RIPOR3: variants seen among roughly 807,000 people sequenced by gnomAD.
RIPOR3 encodes RIPOR family member 3.
RIPOR3 carries 95 observed loss-of-function variants against 114.3 expected under a neutral mutation model. That is an observed-to-expected ratio of 0.83 (90% CI 0.70 to 0.99). RIPOR3 has a LOEUF of 0.99. RIPOR3 is among the 50% of genes least tolerant of loss of function. RIPOR3 has a pLI of 0.00. For missense variants in RIPOR3, 1,252 were observed against 1,266.9 expected (o/e 0.99, Z 0.18); for synonymous variants, 575 against 543.8 (o/e 1.06, Z -0.80).
intron 1 of RIPOR3, among the ~76,000 whole-genome samples, chr20:50,687,009 C>T (rs2087050919): frequency 6.6e-6 from 1 of 152,208 alleles, no homozygotes; most frequent in African/African-American, 2.4e-5. Flanking sequence ...AGCAAGCTAT[C>T]TGAACTTTTC....
At position 50,640,592 on chromosome 20, in the gene RIPOR3, GC is replaced by G. The variant is rs765836696; in HGVS notation, c.4-9737del. The stretch of plus-strand genomic sequence containing the variant: ...CAACCACTGGTCACTGGAATGAACT[GC>G]CCCCAACCCTCTGTCATCTCGGGGA... On this transcript the variant is annotated intron_variant, in intron 1 of 21. Coordinates refer to ENST00000327979, the MANE Select transcript of RIPOR3 (RefSeq NM_001290268.2). 1.3e-3 allele frequency among the ~76,000 whole-genome samples: 179 copies of G among 140,862 alleles called. 1 individual carries two copies. Among genetic ancestry groups the G allele is most frequent in the Non-Finnish European group, 2.2e-3 (143 of 65,114 alleles). The allele number at this position is 140,862 out of a possible 152,430, so 92.4% of individuals were successfully genotyped here. A position where few individuals can be genotyped will look rare whatever the true frequency, so the allele number is the denominator to read the frequency against.
At position 50,691,157 on chromosome 20, in the gene RIPOR3, C is replaced by G. The variant is rs1470618103; in HGVS notation, c.-29G>C. On this transcript the variant is annotated 5_prime_UTR_variant, in exon 1 of 22. Coordinates refer to ENST00000327979, the MANE Select transcript of RIPOR3 (RefSeq NM_001290268.2). ...GCAGGTCTGGACACTCGAGTGCAGT[C>G]CCGCCGCCCTCCTTGCAGCTGCCTC... 1 of 1,289,462 alleles carries G rather than the reference C, an allele frequency of 7.8e-7. No individual in the cohort carries two copies. The highest frequency in any genetic ancestry group is 1.0e-6 in the Non-Finnish European group (1 of 988,860). The allele number at this position is 1,289,462 out of a possible 1,614,324, so 79.9% of individuals were successfully genotyped here.
chr20:50,640,363 C>T (rs1378353504), intron 1 of RIPOR3, among the ~76,000 whole-genome samples: 2 of 150,912 alleles, frequency 1.3e-5, no homozygotes, highest in South Asian at 2.1e-4. Flanking sequence ...CTGCCTGAGA[C>T]CTGCCTTCAT....
At chr20:50,659,417 G>C (rs1377241161) in intron 1 of RIPOR3, among the ~76,000 whole-genome samples, 2 of 151,938 alleles carry the variant, frequency 1.3e-5, no homozygotes, top group African/African-American at 2.4e-5. Context: ...GAGGCTGAAG[G>C]GGGTGGATCA....
Position 50,593,140 on chromosome 20 carries a change from CA to C in RIPOR3, c.2268del (p.Leu758SerfsTer35). 4 of 1,613,886 alleles carry C rather than the reference CA, an allele frequency of 2.5e-6. No individual in the cohort carries two copies. Among genetic ancestry groups the C allele is most frequent in the Non-Finnish European group, 3.4e-6 (4 of 1,180,040 alleles). ...GTAATGATCTGTTCTTCTGGGAGCC[CA>C]GCTCCGGGGAGCAGCCCACCACAGC... The part of the protein sequence containing the change: ...VVSCGGLLPG[A>X]GLPEEQIITW... On this transcript the variant is annotated frameshift_variant, in exon 18 of 22. Coordinates refer to ENST00000327979, the MANE Select transcript of RIPOR3 (RefSeq NM_001290268.2). LOFTEE classifies it high-confidence loss of function.
chr20:50,631,273 A>G (rs1473702264), intron 1 of RIPOR3, among the ~76,000 whole-genome samples: 1 of 152,172 alleles, frequency 6.6e-6, no homozygotes, highest in Non-Finnish European at 1.5e-5. Context: ...GCTCCAGCCC[A>G]GCAGGGAGGC....
intron 8 of RIPOR3, 91 bp from the exon 9 acceptor site, chr20:50,609,046 A>G: frequency 6.6e-7 from 1 of 1,521,062 alleles, no homozygotes; most frequent in Non-Finnish European, 8.9e-7. Flanking sequence ...CCGAGTATAG[A>G]TTTTCAGTTT....
At position 50,589,702 on chromosome 20, in the gene RIPOR3, G is replaced by T. The variant is rs940968412; in HGVS notation, c.2645C>A (p.Ala882Glu). Residue 882 changes from alanine to glutamate, a missense_variant, in exon 20 of 22, where the codon GCG becomes GAG. Ala to Glu is a moderately radical substitution (Grantham distance 107, BLOSUM62 -1). Coordinates refer to ENST00000327979, the MANE Select transcript of RIPOR3 (RefSeq NM_001290268.2). ...CAGGCTCACCTTGAGGTGTTTGAGC[G>T]CTAGGCATGCGGCCTGCTGGAGCCT... ...DARLQQAACL[A>E]LKHLKGIESI... 2.5e-6 allele frequency: 4 copies of T among 1,613,656 alleles called. No homozygotes were observed. Among genetic ancestry groups the T allele is most frequent in the African/African-American group, 1.3e-5 (1 of 74,936 alleles).
At chr20:50,668,189 C>T (rs995540448) in intron 1 of RIPOR3, among the ~76,000 whole-genome samples, 2 of 152,136 alleles carry the variant, frequency 1.3e-5, no homozygotes, top group East Asian at 1.9e-4. Context: ...ATCTCTTTTT[C>T]GCTGTGCACA....
At chr20:50,651,548 G>A (rs756824085) in intron 1 of RIPOR3, among the ~76,000 whole-genome samples, 1 of 152,200 alleles carries the variant, frequency 6.6e-6, no homozygotes, top group Non-Finnish European at 1.5e-5. Context: ...ATAGTCTGGT[G>A]GTTAGAGACA....
intron 17 of RIPOR3, 37 bp downstream of exon 17, chr20:50,594,509 CAGCCTTT>C: frequency 6.3e-7 from 1 of 1,592,774 alleles, no homozygotes; most frequent in Non-Finnish European, 8.6e-7. Flanking sequence ...AGACTCAATA[CAGCCTTT>C]CTGTGGGAGG....
chr20:50,664,152 C>T (rs2086105437), intron 1 of RIPOR3, among the ~76,000 whole-genome samples: 1 of 152,186 alleles, frequency 6.6e-6, no homozygotes, highest in African/African-American at 2.4e-5. Flanking sequence ...GTCTCGAACT[C>T]CTGGCTTCAG....
At chr20:50,625,787 T>A (rs951518998) in intron 2 of RIPOR3, among the ~76,000 whole-genome samples, 2 of 152,150 alleles carry the variant, frequency 1.3e-5, no homozygotes, top group Admixed American at 6.5e-5. Context: ...CCTCTCCTCC[T>A]TCATCCTCAC....
At chr20:50,587,774 G>A in intron 21 of RIPOR3, 28 bp downstream of exon 21, 1 of 1,611,890 alleles carries the variant, frequency 6.2e-7, no homozygotes, top group Non-Finnish European at 8.5e-7. Context: ...GCACCCCGCT[G>A]CGCTGCACAG....
At chr20:50,676,034 A>G (rs1480559649) in intron 1 of RIPOR3, among the ~76,000 whole-genome samples, 3 of 152,210 alleles carry the variant, frequency 2.0e-5, no homozygotes, top group Non-Finnish European at 4.4e-5. Flanking sequence ...AGAGACACAA[A>G]TACAGGCAAA....
In RIPOR3 at chr20:50,666,233, C is replaced by T. The variant is rs929671579; in HGVS notation, c.3+24893G>A. On this transcript the variant is annotated intron_variant, in intron 1 of 21. Transcript: ENST00000327979. ...TTTTCTTTTCTTTTCTTTTTTGAGACGGAGTCACGCTCTGTTGCCCAGAGT... is the reference window on the plus strand; with the variant it reads ...TTTTCTTTTCTTTTCTTTTTTGAGATGGAGTCACGCTCTGTTGCCCAGAGT... Among the ~76,000 whole-genome samples, 12 of 13,732 alleles carry T rather than the reference C, an allele frequency of 8.7e-4. 2 individuals are homozygous for T. The highest frequency in any genetic ancestry group is 0.015 in the South Asian group (2 of 130). The allele number at this position is 13,732 out of a possible 152,430, so 9.0% of individuals were successfully genotyped here.
At chr20:50,665,468 T>C (rs1464343251) in intron 1 of RIPOR3, among the ~76,000 whole-genome samples, 2 of 124,052 alleles carry the variant, frequency 1.6e-5, no homozygotes, top group Non-Finnish European at 3.2e-5. Flanking sequence ...TCGCCCAGGC[T>C]GGAGGGCAGT....
intron 2 of RIPOR3, among the ~76,000 whole-genome samples, chr20:50,623,330 G>T (rs140829922): frequency 1.3e-5 from 2 of 151,836 alleles, no homozygotes; most frequent in African/African-American, 4.8e-5. Context: ...TCAGCTGAAC[G>T]GGGGAAAATA....
intron 1 of RIPOR3, among the ~76,000 whole-genome samples, chr20:50,638,911 G>C (rs528976221): frequency 3.9e-5 from 6 of 152,236 alleles, no homozygotes; most frequent in Admixed American, 1.3e-4. Flanking sequence ...ACCTGGTGGT[G>C]GCTATTCCAG....
Sources: gnomAD v4.1 joint callset for allele counts (sites outside exome capture counted in the v4.1 genomes callset) on GRCh38, gnomAD v4.1.1 for gene constraint, MANE v1.5 for transcripts, NCBI Gene and HGNC (gene_info 2026-07-23, HGNC 2026-07-21) for gene names.